Variants in RSU1 observed in about 807,000 individuals in gnomAD.
The protein encoded by RSU1 is Ras suppressor protein 1, also known as rsu-1.
RSU1 carries 26 observed loss-of-function variants against 31.1 expected under a neutral mutation model. The ratio of observed to expected loss-of-function variants is 0.84; its 90% CI spans 0.61 to 1.16. RSU1 has a LOEUF of 1.16. Ranked by LOEUF, RSU1 falls within the 50% of genes most tolerant of loss-of-function variation. The pLI, the probability that RSU1 is intolerant of heterozygous loss-of-function variation, is 0.00. For missense variants in RSU1, 320 were observed against 339.1 expected, an observed-to-expected ratio of 0.94 and a Z score of 0.44; for synonymous variants, 164 against 136.3, an observed-to-expected ratio of 1.20 and a Z score of -1.41.
chr10:16,654,680 C>CAA (rs147140192), intron 8 of RSU1, among the ~76,000 whole-genome samples: 16 of 111,972 alleles, frequency 1.4e-4, no homozygotes, highest in South Asian at 1.3e-3. Context: ...AAAACAAAAA[C>CAA]AAAAAAAAAA....
intron 7 of RSU1, 77 bp from the exon 8 acceptor site, chr10:16,695,232 A>G: frequency 7.1e-7 from 1 of 1,405,486 alleles, no homozygotes; most frequent in Non-Finnish European, 9.7e-7. Context: ...CTCAGTAATC[A>G]CAGCCTAAGT....
chr10:16,730,922 C>T (rs1283587761), intron 7 of RSU1, among the ~76,000 whole-genome samples: 4 of 152,124 alleles, frequency 2.6e-5, no homozygotes, highest in African/African-American at 9.6e-5. Flanking sequence ...CTCCTGGGTT[C>T]AAGCGATTCT....
In RSU1 at chr10:16,675,200, CA is replaced by C. The variant is rs4012468; in HGVS notation, c.731+19822del. 9.1e-4 allele frequency among the ~76,000 whole-genome samples: 87 copies of C among 95,468 alleles called. 1 individual carries two copies. Among genetic ancestry groups the C allele is most frequent in the African/African-American group, 9.3e-4 (22 of 23,606 alleles). 62.6% of individuals were successfully genotyped at this position (95,468 alleles called of 152,430 possible). ...TGGGTAACAGAGCGAGACTCTGTCT[CA>C]AAAAAAAAAAAAAAAAGAAAGAAAA... On this transcript the variant is annotated intron_variant, in intron 8 of 8. Coordinates refer to ENST00000345264, the MANE Select transcript of RSU1 (RefSeq NM_012425.4).
rs1837768221 is a variant in RSU1 at position 16,785,489 on chromosome 10, C to CATATATATACACACACATATATACATAT, written c.110-3406_110-3405insATATGTATATATGTGTGTGTATATATAT. Reference sequence around the variant, plus strand: ...ATATATACACATATATACATATATACATATATATATACACATATATACATA... The same window carrying CATATATATACACACACATATATACATAT: ...ATATATACACATATATACATATATACATATATATACACACACATATATACATATATATATATATACACATATATACATA... On this transcript the variant is annotated intron_variant, in intron 2 of 8. Transcript: ENST00000345264. 8.0e-4 allele frequency among the ~76,000 whole-genome samples: 95 copies of CATATATATACACACACATATATACATAT among 118,468 alleles called. 5 individuals carry two copies. Among genetic ancestry groups the CATATATATACACACACATATATACATAT allele is most frequent in the African/African-American group, 4.1e-3 (90 of 21,786 alleles). The allele number at this position is 118,468 out of a possible 152,430, so 77.7% of individuals were successfully genotyped here.
At chr10:16,647,261 C>T (rs1040726008) in intron 8 of RSU1, among the ~76,000 whole-genome samples, 10 of 152,104 alleles carry the variant, frequency 6.6e-5, no homozygotes, top group Admixed American at 1.3e-4. Context: ...TGTGAGCCAC[C>T]GCGCCCAGCC....
At chr10:16,697,847 G>C (rs1300766162) in intron 7 of RSU1, among the ~76,000 whole-genome samples, 1 of 151,936 alleles carries the variant, frequency 6.6e-6, no homozygotes, top group Non-Finnish European at 1.5e-5. Flanking sequence ...TGCAAAATTG[G>C]TTATCCTAAT....
intron 2 of RSU1, among the ~76,000 whole-genome samples, chr10:16,785,719 G>A (rs1401992034): frequency 3.1e-5 from 4 of 130,322 alleles, no homozygotes; most frequent in Non-Finnish European, 6.5e-5. Context: ...GGATATCGCA[G>A]AAACACTGTG....
intron 8 of RSU1, among the ~76,000 whole-genome samples, chr10:16,613,057 C>T (rs965606444): frequency 1.3e-5 from 2 of 152,102 alleles, no homozygotes; most frequent in African/African-American, 4.8e-5. Flanking sequence ...CAATTCAACA[C>T]CCAGAATAAT....
chr10:16,741,346 C>G (rs1836745898), intron 7 of RSU1, among the ~76,000 whole-genome samples: 1 of 152,096 alleles, frequency 6.6e-6, no homozygotes, highest in South Asian at 2.1e-4. Context: ...AAGAGCCAAA[C>G]TATAAAACCC....
At chr10:16,705,924 A>C (rs760991335) in intron 7 of RSU1, among the ~76,000 whole-genome samples, 4 of 152,152 alleles carry the variant, frequency 2.6e-5, no homozygotes, top group African/African-American at 9.7e-5. Flanking sequence ...TTATAGGCAC[A>C]CACCACCACA....
intron 4 of RSU1, among the ~76,000 whole-genome samples, chr10:16,758,360 G>A (rs1837138796): frequency 1.3e-5 from 2 of 152,162 alleles, no homozygotes; most frequent in Admixed American, 1.3e-4. Context: ...CCCTCCAGCA[G>A]GTGCTAACAT....
intron 8 of RSU1, among the ~76,000 whole-genome samples, chr10:16,644,507 CTT>C (rs747786270): frequency 2.0e-5 from 3 of 152,164 alleles, no homozygotes; most frequent in Non-Finnish European, 2.9e-5. Context: ...CTATAACAGA[CTT>C]TACATGTTAC....
At chr10:16,670,314 C>T (rs1253289382) in intron 8 of RSU1, among the ~76,000 whole-genome samples, 2 of 152,122 alleles carry the variant, frequency 1.3e-5, no homozygotes, top group Non-Finnish European at 2.9e-5. Flanking sequence ...TGCTAAAGAC[C>T]CCTTTTTATT....
chr10:16,751,497 T>G (rs1292419949), intron 7 of RSU1, among the ~76,000 whole-genome samples: 3 of 152,236 alleles, frequency 2.0e-5, no homozygotes, highest in Non-Finnish European at 4.4e-5. Context: ...TCAGTCTTCC[T>G]ATGCGTAACC....
intron 7 of RSU1, among the ~76,000 whole-genome samples, chr10:16,747,615 G>A (rs866492586): frequency 6.6e-6 from 1 of 152,190 alleles, no homozygotes; most frequent in Non-Finnish European, 1.5e-5. Flanking sequence ...CCATCTGGAT[G>A]AAGCCAGCAT....
intron 4 of RSU1, 144 bp from the exon 5 acceptor site, chr10:16,755,133 T>C: frequency 4.2e-6 from 2 of 474,970 alleles, no homozygotes; most frequent in Non-Finnish European, 7.5e-6. Flanking sequence ...TTATTTTTTA[T>C]TTTTTTGAGA....
Position 16,785,775 on chromosome 10 carries a change from C to A in RSU1, c.110-3691G>T, listed in dbSNP as rs11254184. The stretch of plus-strand genomic sequence containing the variant: ...CTAGGACACACGACTTCCATTTATC[C>A]CATTGATAAGGATCTTCACTTTGAT... On this transcript the variant is annotated intron_variant, in intron 2 of 8. Transcript: ENST00000345264. Among the ~76,000 whole-genome samples, 338 of 151,732 alleles carry A rather than the reference C, an allele frequency of 2.2e-3. 8 individuals are homozygous for A. The East Asian group carries it at 0.062, about 28-fold the overall frequency.
At chr10:16,655,072 AAAAGAG>A (rs1392042006) in intron 8 of RSU1, among the ~76,000 whole-genome samples, 7 of 129,068 alleles carry the variant, frequency 5.4e-5, no homozygotes, top group African/African-American at 1.9e-4. Flanking sequence ...AAAAAAAAAA[AAAAGAG>A]AGAGAGAGAG....
intron 8 of RSU1, among the ~76,000 whole-genome samples, chr10:16,641,693 T>A (rs1834445788): frequency 6.6e-6 from 1 of 152,118 alleles, no homozygotes; most frequent in Non-Finnish European, 1.5e-5. Context: ...AGAATGTGAC[T>A]TGGAGCCTGA....
Sources: gnomAD v4.1 joint callset for allele counts (sites outside exome capture counted in the v4.1 genomes callset) on GRCh38, gnomAD v4.1.1 for gene constraint, MANE v1.5 for transcripts, NCBI Gene and HGNC (gene_info 2026-07-23, HGNC 2026-07-21) for gene names.